Variants in SLC9C1 observed in about 807,000 individuals in gnomAD.
SLC9C1 encodes sodium/hydrogen exchanger 10.
SLC9C1 carries 97 observed loss-of-function variants against 140.9 expected under a neutral mutation model. The ratio of observed to expected loss-of-function variants is 0.69; its 90% confidence interval spans 0.58 to 0.82. SLC9C1 has a LOEUF of 0.82. Ranked by LOEUF, SLC9C1 falls within the 40% of genes least tolerant of loss-of-function variation. The probability of loss-of-function intolerance (pLI) is 0.00; values close to 1 mark genes in which losing one functional copy is unlikely to be tolerated. For synonymous variants in SLC9C1, 440 were observed against 442.6 expected (o/e 0.99, Z 0.07); for missense variants, 1,340 against 1,389.3 (o/e 0.96, Z 0.56).
intron 10 of SLC9C1, among the ~76,000 whole-genome samples, chr3:112,248,513 T>A (rs1292945843): frequency 6.6e-6 from 1 of 152,208 alleles, no homozygotes; most frequent in African/African-American, 2.4e-5. Context: ...TATTATGTTC[T>A]TTATTTCATT....
intron 13 of SLC9C1, among the ~76,000 whole-genome samples, chr3:112,222,110 A>G (rs1293659300): frequency 1.3e-5 from 2 of 152,200 alleles, no homozygotes; most frequent in Non-Finnish European, 2.9e-5. Flanking sequence ...CTCCTTAAAT[A>G]TCATTAAAAT....
At chr3:112,258,088 T>C (rs1380951965) in intron 10 of SLC9C1, among the ~76,000 whole-genome samples, 2 of 152,172 alleles carry the variant, frequency 1.3e-5, no homozygotes, top group African/African-American at 4.8e-5. Context: ...CTTATACAGT[T>C]AGTGGGAGTG....
chr3:112,174,243 C>T (rs928653666), intron 23 of SLC9C1, among the ~76,000 whole-genome samples: 1 of 152,144 alleles, frequency 6.6e-6, no homozygotes, highest in Non-Finnish European at 1.5e-5. Flanking sequence ...AGTTGTTGCC[C>T]CTGGGGGCTC....
rs575138553 is a variant in SLC9C1 at position 112,214,344 on chromosome 3, G to T, written c.1790+3098C>A. ...ACATTCAAAAGCTAGCAGAAGGCAA[G>T]AAATAACTAAGATCAGAGCAGAACT... On this transcript the variant is annotated intron_variant, in intron 15 of 28. Transcript: ENST00000305815. 3.3e-5 allele frequency among the ~76,000 whole-genome samples: 5 copies of T among 152,200 alleles called. No individual in the cohort carries two copies. The South Asian group carries it at 1.0e-3, about 32-fold the overall frequency.
At chr3:112,203,014 GTTTACAC>G (rs2077947727) in intron 17 of SLC9C1, among the ~76,000 whole-genome samples, 1 of 151,598 alleles carries the variant, frequency 6.6e-6, no homozygotes, top group African/African-American at 2.4e-5. Context: ...TCTCCAAAGG[GTTTACAC>G]TCATCTTTCA....
chr3:112,262,772 T>G, intron 10 of SLC9C1, 152 bp downstream of exon 10: 1 of 552,486 alleles, frequency 1.8e-6, no homozygotes. Flanking sequence ...AAGTTGCCAG[T>G]TGTTCCTCCT....
intron 27 of SLC9C1, 79 bp from the exon 28 acceptor site, chr3:112,152,042 T>C: frequency 3.6e-6 from 4 of 1,106,274 alleles, no homozygotes; most frequent in Non-Finnish European, 5.1e-6. Flanking sequence ...CCTGTGGGTA[T>C]TTCTCGCAAG....
At chr3:112,180,413 C>T in intron 22 of SLC9C1, 151 bp downstream of exon 22, 1 of 509,780 alleles carries the variant, frequency 2.0e-6, no homozygotes, top group Non-Finnish European at 3.5e-6. Context: ...ATTCCAGCTA[C>T]TTGGGAGGCT....
intron 25 of SLC9C1, among the ~76,000 whole-genome samples, chr3:112,167,992 T>G (rs2077171752): frequency 1.3e-5 from 2 of 152,166 alleles, no homozygotes; most frequent in South Asian, 4.1e-4. Flanking sequence ...TTAGAAAATT[T>G]TCTTGTGATC....
chr3:112,204,386 C>CT lies in SLC9C1; in HGVS notation c.2003dup (p.Asp669GlyfsTer26). 6.4e-7 allele frequency: 1 copy of CT among 1,569,034 alleles called. No homozygotes were observed. The highest frequency in any genetic ancestry group is 8.6e-7 in the Non-Finnish European group (1 of 1,164,950). On this transcript the variant is annotated frameshift_variant, in exon 17 of 29. Transcript: ENST00000305815. LOFTEE classifies it high-confidence loss of function. Reference sequence around the variant, plus strand: ...TGTTCCAGGCATGTGAAAAAAAGTCCTTCCTCATTGCTGCTATCTGTTGAT... The same window carrying CT: ...TGTTCCAGGCATGTGAAAAAAAGTCCTTTCCTCATTGCTGCTATCTGTTGAT...
At chr3:112,166,405 T>C (rs188745763) in intron 26 of SLC9C1, among the ~76,000 whole-genome samples, 1 of 152,310 alleles carries the variant, frequency 6.6e-6, no homozygotes, top group East Asian at 1.9e-4. Flanking sequence ...TCTTTAAATG[T>C]TAAATGTGCA....
At chr3:112,253,253 C>T (rs963988231) in intron 10 of SLC9C1, among the ~76,000 whole-genome samples, 4 of 152,174 alleles carry the variant, frequency 2.6e-5, no homozygotes, top group Admixed American at 1.3e-4. Context: ...GTCATTTCCA[C>T]TGTTGCCGCC....
intron 1 of SLC9C1, among the ~76,000 whole-genome samples, chr3:112,291,044 T>A (rs890104815): frequency 2.7e-4 from 41 of 152,178 alleles, no homozygotes; most frequent in African/African-American, 9.9e-4. Context: ...CCATTTACTT[T>A]CGAGGTTAGT....
intron 28 of SLC9C1, among the ~76,000 whole-genome samples, chr3:112,146,491 A>G (rs2074799950): frequency 6.6e-6 from 1 of 152,212 alleles, no homozygotes; most frequent in Non-Finnish European, 1.5e-5. Flanking sequence ...GCTGTATCCC[A>G]GAGACTTTGG....
chr3:112,202,178 C>G, intron 18 of SLC9C1, 72 bp downstream of exon 18: 1 of 1,544,104 alleles, frequency 6.5e-7, no homozygotes, highest in Non-Finnish European at 8.8e-7. Context: ...CATATATGAA[C>G]AGAAAAAAAT....
At chr3:112,237,596 G>A (rs192623538) in intron 12 of SLC9C1, among the ~76,000 whole-genome samples, 117 of 152,258 alleles carry the variant, frequency 7.7e-4, no homozygotes, top group Middle Eastern at 6.8e-3. Flanking sequence ...GGCTGGTACC[G>A]GTTGTTCCTT....
intron 4 of SLC9C1, 115 bp from the exon 5 acceptor site, chr3:112,277,975 A>C (rs2080261741): frequency 1.2e-6 from 1 of 822,426 alleles, no homozygotes; most frequent in East Asian, 2.9e-5. Context: ...AGTACCCACC[A>C]GCAGACACAG....
Position 112,168,516 on chromosome 3 carries a change from T to C in SLC9C1, c.3237+361A>G, listed in dbSNP as rs576485486. Among the ~76,000 whole-genome samples the C allele has an allele frequency of 3.9e-5, 6 of 152,346 alleles. No individual in the cohort carries two copies. In the East Asian group the frequency reaches 9.6e-4, roughly 24 times the overall value. ...TTCAGCATCAGTCTGGCAGAACCTT[T>C]CTAGAGCATTGTTGATACAGTTTTT... On this transcript the variant is annotated intron_variant, in intron 25 of 28. Coordinates refer to ENST00000305815, the MANE Select transcript of SLC9C1 (RefSeq NM_183061.3).
At chr3:112,272,659 A>G (rs1412665001) in intron 6 of SLC9C1, among the ~76,000 whole-genome samples, 1 of 152,204 alleles carries the variant, frequency 6.6e-6, no homozygotes, top group African/African-American at 2.4e-5. Flanking sequence ...CCTACAGCAG[A>G]GTTTTTACTG....
Sources: allele counts gnomAD v4.1 joint callset (sites outside exome capture counted in the v4.1 genomes callset), GRCh38; gene constraint gnomAD v4.1.1; transcripts MANE v1.5; gene names NCBI Gene and HGNC (gene_info 2026-07-23, HGNC 2026-07-21).